DAB1: variants seen among roughly 807,000 people sequenced by gnomAD.
DAB1 encodes the protein DAB adaptor protein 1.
A neutral mutation model predicts 64.6 loss-of-function variants in DAB1; 15 were observed. The observed-to-expected ratio is 0.23, with a 90% CI of 0.16 to 0.36. The LOEUF is 0.36. Among genes scored for constraint, DAB1 ranks in the 10% least tolerant of loss-of-function variants. The pLI, the probability that DAB1 is intolerant of heterozygous loss-of-function variation, is 1.00. For synonymous variants in DAB1, 235 were observed against 251.9 expected, an observed-to-expected ratio of 0.93 and a Z score of 0.64; for missense variants, 596 against 706.7, an observed-to-expected ratio of 0.84 and a Z score of 1.78.
intron 2 of DAB1, among the ~76,000 whole-genome samples, chr1:58,510,161 T>C (rs1646051780): frequency 6.6e-6 from 1 of 151,864 alleles, no homozygotes; most frequent in African/African-American, 2.4e-5. Flanking sequence ...CCCTGATACC[T>C]ATGCCAAAGA....
intron 9 of DAB1, among the ~76,000 whole-genome samples, chr1:57,051,991 G>T (rs1649234580): frequency 6.6e-6 from 1 of 152,088 alleles, no homozygotes; most frequent in African/African-American, 2.4e-5. Context: ...AATTGTTTGG[G>T]CCCCTGACTC....
At chr1:57,013,972 C>T (rs1465639865) in intron 12 of DAB1, among the ~76,000 whole-genome samples, 2 of 152,204 alleles carry the variant, frequency 1.3e-5, no homozygotes, top group East Asian at 1.9e-4. Context: ...TCAGAGAAGT[C>T]ATACGCTTGC....
At chr1:58,191,702 A>G (rs1232246973) in intron 4 of DAB1, among the ~76,000 whole-genome samples, 1 of 151,968 alleles carries the variant, frequency 6.6e-6, no homozygotes, top group African/African-American at 2.4e-5. Context: ...GCATATAACA[A>G]CTACGACACC....
At chr1:58,202,902 A>G (rs922557189) in intron 4 of DAB1, among the ~76,000 whole-genome samples, 1 of 152,208 alleles carries the variant, frequency 6.6e-6, no homozygotes, top group African/African-American at 2.4e-5. Flanking sequence ...TTCATTTACA[A>G]TCACTTAAAC....
chr1:57,065,200 G>T (rs1337513844), intron 8 of DAB1, among the ~76,000 whole-genome samples: 1 of 152,160 alleles, frequency 6.6e-6, no homozygotes, highest in Non-Finnish European at 1.5e-5. Context: ...TCTCAGCTGG[G>T]ATATCTTCTT....
chr1:57,985,899 C>G (rs1338648401), intron 5 of DAB1, among the ~76,000 whole-genome samples: 8 of 152,198 alleles, frequency 5.3e-5, no homozygotes, highest in Non-Finnish European at 1.0e-4. Flanking sequence ...ACCAGAGACT[C>G]TGCAAGGAGC....
chr1:58,063,865 C>T (rs1229819429), intron 5 of DAB1, among the ~76,000 whole-genome samples: 1 of 152,166 alleles, frequency 6.6e-6, no homozygotes, highest in Non-Finnish European at 1.5e-5. Flanking sequence ...ATAGCCTGAA[C>T]CCTTAACACC....
At chr1:58,413,611 G>C (rs1644690211) in intron 3 of DAB1, among the ~76,000 whole-genome samples, 1 of 152,194 alleles carries the variant, frequency 6.6e-6, no homozygotes, top group Non-Finnish European at 1.5e-5. Context: ...CATGCTAACA[G>C]TCCAGGGTGC....
intron 4 of DAB1, among the ~76,000 whole-genome samples, chr1:57,073,675 G>C (rs1265679375): frequency 6.6e-6 from 1 of 152,094 alleles, no homozygotes; most frequent in Non-Finnish European, 1.5e-5. Flanking sequence ...TGTACCTCAA[G>C]TTTAACCCTC....
At chr1:58,057,998 C>CTCCG (rs1553156463) in intron 5 of DAB1, among the ~76,000 whole-genome samples, 2 of 151,044 alleles carry the variant, frequency 1.3e-5, no homozygotes, top group Admixed American at 1.3e-4. Flanking sequence ...TTGCACAACA[C>CTCCG]TCTTTTTGCC....
At chr1:58,374,497 C>A (rs1444247766) in intron 3 of DAB1, among the ~76,000 whole-genome samples, 1 of 151,818 alleles carries the variant, frequency 6.6e-6, no homozygotes, top group Non-Finnish European at 1.5e-5. Context: ...TGTAGGTAAG[C>A]AGCGTTATTT....
At chr1:57,152,183 T>C (rs1659748051) in intron 2 of DAB1, among the ~76,000 whole-genome samples, 1 of 152,190 alleles carries the variant, frequency 6.6e-6, no homozygotes, top group Admixed American at 6.5e-5. Flanking sequence ...TGTGGCTGTC[T>C]GGGTGAGCAT....
intron 1 of DAB1, among the ~76,000 whole-genome samples, chr1:57,311,517 A>AGCC (rs1174451576): frequency 1.4e-5 from 2 of 138,738 alleles, no homozygotes; most frequent in African/African-American, 6.8e-5. Context: ...ACCTCCTGCC[A>AGCC]ACCACCACAC....
intron 6 of DAB1, among the ~76,000 whole-genome samples, chr1:57,789,553 C>T (rs1228034481): frequency 6.6e-6 from 1 of 152,172 alleles, no homozygotes; most frequent in Non-Finnish European, 1.5e-5. Context: ...TGTGTCCTCA[C>T]ATGGCAGGGA....
intron 1 of DAB1, among the ~76,000 whole-genome samples, chr1:57,385,750 T>C (rs1681758681): frequency 6.6e-6 from 1 of 152,170 alleles, no homozygotes; most frequent in East Asian, 1.9e-4. Context: ...CAAAATGCAA[T>C]TTAACTCTAG....
intron 4 of DAB1, among the ~76,000 whole-genome samples, chr1:57,076,105 G>C (rs553227731): frequency 2.4e-4 from 37 of 152,272 alleles, no homozygotes; most frequent in African/African-American, 7.7e-4. Flanking sequence ...TCTGGCACCT[G>C]TTGAGCAGCC....
chr1:57,968,110 G>A (rs1475762534), intron 5 of DAB1, among the ~76,000 whole-genome samples: 1 of 151,950 alleles, frequency 6.6e-6, no homozygotes, highest in Non-Finnish European at 1.5e-5. Flanking sequence ...GGATGTGTGT[G>A]TGTGTGAATC....
At chr1:57,699,901 G>A (rs1456282358) in intron 6 of DAB1, among the ~76,000 whole-genome samples, 1 of 152,084 alleles carries the variant, frequency 6.6e-6, no homozygotes, top group Non-Finnish European at 1.5e-5. Flanking sequence ...GACAGAGTGA[G>A]AGTCCATCTC....
chr1:58,284,914 G>A (rs1332685009), intron 4 of DAB1, among the ~76,000 whole-genome samples: 1 of 152,158 alleles, frequency 6.6e-6, no homozygotes, highest in African/African-American at 2.4e-5. Flanking sequence ...AGCATCTTCT[G>A]CTTACACTGC....
Sources: allele counts gnomAD v4.1 joint callset (sites outside exome capture counted in the v4.1 genomes callset), GRCh38; gene constraint gnomAD v4.1.1; transcripts MANE v1.5; gene names NCBI Gene and HGNC (gene_info 2026-07-23, HGNC 2026-07-21).